BMP4: variants seen among roughly 807,000 people sequenced by gnomAD.
BMP4 encodes the protein bone morphogenetic protein 4.
In BMP4, 3 loss-of-function variants were observed where a neutral mutation model predicts 29.6. That is an observed-to-expected ratio of 0.10 (90% confidence interval 0.05 to 0.26). The LOEUF is 0.26. Among genes scored for constraint, BMP4 ranks in the 10% least tolerant of loss-of-function variants. The pLI, the probability that BMP4 is intolerant of heterozygous loss-of-function variation, is 1.00. For synonymous variants in BMP4, 197 were observed against 213.2 expected, an observed-to-expected ratio of 0.92 and a Z score of 0.66; for missense variants, 455 against 550.2, an observed-to-expected ratio of 0.83 and a Z score of 1.73.
rs377676306 is a variant in BMP4 at position 53,951,967 on chromosome 14, G to T, written c.256C>A (p.Leu86Ile). 14 of 1,612,018 alleles carry T rather than the reference G, an allele frequency of 8.7e-6. No homozygotes were observed. The highest frequency in any genetic ancestry group is 1.2e-5 in the Non-Finnish European group (14 of 1,180,030). The change falls in exon 3 of 4, where the codon CTT becomes ATT. Residue 86 changes from leucine to isoleucine, a missense_variant. By Grantham distance (5) the Leu-to-Ile change is conservative (BLOSUM62 2). Around this residue, in one of 4 missense-constraint regions of BMP4, gnomAD observed 249 missense variants for 284.6 expected, o/e 0.87. Transcript: ENST00000245451. ...TCCTCCCCAGACTGAAGCCGGTAAAGATCCCGCATGTAGTCCGGAATGACG... is the reference window on the plus strand; with the variant it reads ...TCCTCCCCAGACTGAAGCCGGTAAATATCCCGCATGTAGTCCGGAATGACG... ...SAVIPDYMRD[L>I]YRLQSGEEEE...
At position 53,956,534 on chromosome 14, in the gene BMP4, A is replaced by G. The variant is rs1594799192; in HGVS notation, c.-133+16T>C. The G allele has an allele frequency of 2.5e-6, 1 of 399,414 alleles. No individual in the cohort carries two copies. The highest frequency in any genetic ancestry group is 4.4e-6 in the Non-Finnish European group (1 of 226,462). The allele number at this position is 399,414 out of a possible 1,614,324, so 24.7% of individuals were successfully genotyped here. A position where few individuals can be genotyped will look rare whatever the true frequency, so the allele number is the denominator to read the frequency against. ...CCCCCTCTGCCTGTCTCCCCTCACCAGGTAGCCTTGCTCACCATAGGTCCC... is the reference window on the plus strand; with the variant it reads ...CCCCCTCTGCCTGTCTCCCCTCACCGGGTAGCCTTGCTCACCATAGGTCCC... On this transcript the variant is annotated intron_variant, in intron 1 of 3. Transcript: ENST00000245451.
chr14:53,956,820 T>C lies in BMP4; in HGVS notation c.-403A>G, dbSNP rs1287762883. On this transcript the variant is annotated 5_prime_UTR_variant, in exon 1 of 4. It removes an upstream start codon present in the reference 5' UTR. Coordinates refer to ENST00000245451, the MANE Select transcript of BMP4 (RefSeq NM_001202.6). ...CTCCCTCCTCCTCTGCCTTCTCGCA[T>C]CTTCCTTCCTCCTCTTTCCCTCCCT... 2.5e-6 allele frequency: 1 copy of C among 397,718 alleles called. No homozygotes were observed. The highest frequency in any genetic ancestry group is 4.4e-6 in the Non-Finnish European group (1 of 225,928). The allele number at this position is 397,718 out of a possible 1,614,324, so 24.6% of individuals were successfully genotyped here. A position where few individuals can be genotyped will look rare whatever the true frequency, so the allele number is the denominator to read the frequency against.
rs1325543498 is a variant in BMP4 at position 53,954,191 on chromosome 14, G to T, written c.-132-791C>A. On this transcript the variant is annotated intron_variant, in intron 1 of 3. Coordinates refer to ENST00000245451, the MANE Select transcript of BMP4 (RefSeq NM_001202.6). This position sits in a 1 kb window ranked among gnomAD's most constrained non-coding sequence, Gnocchi z 4.8. ...GGAGCGGCTGTTAGTCATTGCTCCG[G>T]GTCCATTACCGAGAATCCCCAAACC... Among the ~76,000 whole-genome samples, 2 of 151,984 alleles carry T rather than the reference G, an allele frequency of 1.3e-5. No homozygotes were observed. Among genetic ancestry groups the T allele is most frequent in the East Asian group, 1.9e-4 (1 of 5,142 alleles).
At position 53,952,042 on chromosome 14, in the gene BMP4, G is replaced by C; in HGVS notation, c.181C>G (p.Leu61Val). 1.2e-6 allele frequency: 2 copies of C among 1,614,190 alleles called. No homozygotes were observed. The highest frequency in any genetic ancestry group is 1.7e-6 in the Non-Finnish European group (2 of 1,180,050). The change falls in exon 3 of 4, where the codon CTT (leucine) becomes GTT (valine). Residue 61 changes from leucine to valine, a missense_variant. By Grantham distance (32) the Leu-to-Val change is conservative (BLOSUM62 1). Transcript: ENST00000245451. ...HELLRDFEATLLQMFGLRRRP... is the reference protein window; with the variant it reads ...HELLRDFEATVLQMFGLRRRP... ...CGGCGCAGCCCAAACATCTGCAGAA[G>C]TGTCGCCTCGAAGTCCCGCAGGAGC...
chr14:53,953,777 G>T (rs1895583595), intron 1 of BMP4, among the ~76,000 whole-genome samples: 1 of 151,882 alleles, frequency 6.6e-6, no homozygotes, highest in South Asian at 2.1e-4. Flanking sequence ...GATTTGGGGC[G>T]CACTGAAGGG....
rs1036554906 is a variant in BMP4, at chr14:53,949,875, AT to A, written c.*156del. 5 of 754,404 alleles carry A rather than the reference AT, an allele frequency of 6.6e-6. No individual in the cohort carries two copies. Among genetic ancestry groups the A allele is most frequent in the Non-Finnish European group, 9.9e-6 (5 of 503,298 alleles). 46.7% of individuals were successfully genotyped at this position (754,404 alleles called of 1,614,324 possible). ...ATAAGGTCAAGGTGAATGTTTAGGGATTTTTTCCTTTTTTTTTTTTTTTTTT... is the reference window on the plus strand; with the variant it reads ...ATAAGGTCAAGGTGAATGTTTAGGGATTTTTCCTTTTTTTTTTTTTTTTTT... On this transcript the variant is annotated 3_prime_UTR_variant, in exon 4 of 4. Transcript: ENST00000245451.
Position 53,951,945 on chromosome 14 carries a change from TC to T in BMP4, c.277del (p.Glu93ArgfsTer25). 1 of 1,608,836 alleles carries T rather than the reference TC, an allele frequency of 6.2e-7. No individual in the cohort carries two copies. ...GCTGTGGATCTGCTCTTCCTCCTCC[TC>T]CCCAGACTGAAGCCGGTAAAGATCC... ...MRDLYRLQSGEEEEEQIHSTG... is the reference protein window; with the variant it reads ...MRDLYRLQSGXEEEEQIHSTG... On this transcript the variant is annotated frameshift_variant, in exon 3 of 4. Transcript: ENST00000245451. LOFTEE classifies it high-confidence loss of function.
rs1895671300 is a variant in BMP4, at chr14:53,955,279, C to A, written c.-133+1271G>T. On this transcript the variant is annotated intron_variant, in intron 1 of 3. Transcript: ENST00000245451. The surrounding 1 kb of genome is among the most constrained non-coding windows in gnomAD (Gnocchi z 4.0). ...GCAAAGGGACAGTAGAAGGGGCGGG[C>A]GCCCGGGTTCCCCGGAAAACCCTCG... Among the ~76,000 whole-genome samples, 1 of 151,240 alleles carries A rather than the reference C, an allele frequency of 6.6e-6. No individual in the cohort carries two copies. The highest frequency in any genetic ancestry group is 1.5e-5 in the Non-Finnish European group (1 of 67,904).
intron 3 of BMP4, 60 bp downstream of exon 3, chr14:53,951,793 A>C: frequency 6.3e-7 from 1 of 1,580,210 alleles, no homozygotes. Context: ...CAGGGCTTTC[A>C]CTGCCCCTCT....
In BMP4 at chr14:53,952,237, G is replaced by T. The variant is rs1895476224; in HGVS notation, c.-7-8C>A. The T allele has an allele frequency of 1.9e-6, 3 of 1,613,120 alleles. No homozygotes were observed. The highest frequency in any genetic ancestry group is 1.7e-5 in the Admixed American group (1 of 59,996). The stretch of plus-strand genomic sequence containing the variant: ...CCAGGAATCATGGTGTCTCTGGGGA[G>T]GGGGAGGGGAGTGGAAGGTTAAAGA... On this transcript the variant is annotated splice_region_variant and splice_polypyrimidine_tract_variant and intron_variant, in intron 2 of 3. Transcript: ENST00000245451.
Position 53,950,662 on chromosome 14 carries a change from T to C in BMP4, c.597A>G (p.Leu199=), listed in dbSNP as rs1566579518. ...EVVPGHLITR[L]LDTRLVHHNV... is the part of the protein sequence containing the mutation. The stretch of plus-strand genomic sequence containing the variant: ...TGTGGTGGACCAGTCTCGTGTCCAG[T>C]AGTCGTGTGATGAGGTGCCCAGGCA... The change falls in exon 4 of 4, where the codon CTA becomes CTG. Residue 199 remains leucine, a synonymous_variant. Transcript: ENST00000245451. This position sits in a 1 kb window ranked among gnomAD's most constrained non-coding sequence, Gnocchi z 5.4. 9 of 1,614,256 alleles carry C rather than the reference T, an allele frequency of 5.6e-6. No individual in the cohort carries two copies. The highest frequency in any genetic ancestry group is 2.2e-5 in the East Asian group (1 of 44,884).
chr14:53,949,904 AT>A lies in BMP4; in HGVS notation c.*127del. 9 of 907,206 alleles carry A rather than the reference AT, an allele frequency of 9.9e-6. No individual in the cohort carries two copies. The highest frequency in any genetic ancestry group is 2.3e-5 in the South Asian group (1 of 43,738). 56.2% of individuals were successfully genotyped at this position (907,206 alleles called of 1,614,324 possible). A position where few individuals can be genotyped will look rare whatever the true frequency, so the allele number is the denominator to read the frequency against. On this transcript the variant is annotated 3_prime_UTR_variant, in exon 4 of 4. Coordinates refer to ENST00000245451, the MANE Select transcript of BMP4 (RefSeq NM_001202.6). ...TTTCCTTTTTTTTTTTTTTTTTTAA[AT>A]AAAAGTCCAGCTATAAGGAAGCAGT...
chr14:53,956,789 C>T lies in BMP4; in HGVS notation c.-372G>A. On this transcript the variant is annotated 5_prime_UTR_variant, in exon 1 of 4. Transcript: ENST00000245451. ...TTCCGGGCCGGGCTCCGCGCTCCTT[C>T]CCTCCCTCCCTCCTCCTCTGCCTTC... 1 of 398,218 alleles carries T rather than the reference C, an allele frequency of 2.5e-6. No homozygotes were observed. Among genetic ancestry groups the T allele is most frequent in the South Asian group, 1.3e-4 (1 of 7,446 alleles). 24.7% of individuals were successfully genotyped at this position (398,218 alleles called of 1,614,324 possible).
Position 53,950,005 on chromosome 14 carries a change from C to T in BMP4, c.*27G>A. ...TGGTGTGTGTGTGTGGTGTGTATAT[C>T]TGTCTATCCTCAAGGACTGCCTGAT... On this transcript the variant is annotated 3_prime_UTR_variant, in exon 4 of 4. Transcript: ENST00000245451. This position sits in a 1 kb window ranked among gnomAD's most constrained non-coding sequence, Gnocchi z 5.4. 6.2e-7 allele frequency: 1 copy of T among 1,610,586 alleles called. No homozygotes were observed. Among genetic ancestry groups the T allele is most frequent in the Non-Finnish European group, 8.5e-7 (1 of 1,179,218 alleles).
intron 1 of BMP4, 197 bp from the exon 2 acceptor site, chr14:53,953,597 G>A (rs1246311943): frequency 8.5e-6 from 3 of 352,258 alleles, no homozygotes; most frequent in Non-Finnish European, 1.5e-5. Flanking sequence ...CGCGCCCGCC[G>A]CCCGAGCCTC....
intron 1 of BMP4, 144 bp from the exon 2 acceptor site, chr14:53,953,544 CCCCGCCCCTCGCGGG>C (rs1394020302): frequency 4.4e-5 from 17 of 385,744 alleles, no homozygotes; most frequent in Non-Finnish European, 6.0e-5. Flanking sequence ...CTCCACAGCC[CCCCGCCCCTCGCGGG>C]CCCGCCCCTC....
intron 1 of BMP4, 144 bp from the exon 2 acceptor site, chr14:53,953,544 C>CCCCGCCCCTCGCGGG (rs1394020302): frequency 5.2e-6 from 2 of 385,744 alleles, no homozygotes; most frequent in African/African-American, 2.1e-5. Flanking sequence ...CTCCACAGCC[C>CCCCGCCCCTCGCGGG]CCCGCCCCTC....
In BMP4 at chr14:53,956,670, G is replaced by A; in HGVS notation, c.-253C>T. 2.5e-6 allele frequency: 1 copy of A among 399,120 alleles called. No homozygotes were observed. The allele number at this position is 399,120 out of a possible 1,614,324, so 24.7% of individuals were successfully genotyped here. A position where few individuals can be genotyped will look rare whatever the true frequency, so the allele number is the denominator to read the frequency against. ...TGCAGGCTCGAGATAGCTTGGACGGGAATCCCATCGGGGAGACAAGCTAGA... is the reference window on the plus strand; with the variant it reads ...TGCAGGCTCGAGATAGCTTGGACGGAAATCCCATCGGGGAGACAAGCTAGA... On this transcript the variant is annotated 5_prime_UTR_variant, in exon 1 of 4. Coordinates refer to ENST00000245451, the MANE Select transcript of BMP4 (RefSeq NM_001202.6).
At chr14:53,956,413 C>A in intron 1 of BMP4, 137 bp downstream of exon 1, 1 of 397,990 alleles carries the variant, frequency 2.5e-6, no homozygotes, top group East Asian at 3.6e-5. Context: ...GCGCCAGCAT[C>A]CCCACCTCCA....
Sources: allele counts gnomAD v4.1 joint callset (sites outside exome capture counted in the v4.1 genomes callset), GRCh38; gene constraint gnomAD v4.1.1; regional missense constraint gnomAD v4.1.1; non-coding constraint Gnocchi (gnomAD v3.1); transcripts MANE v1.5; gene names NCBI Gene and HGNC (gene_info 2026-07-23, HGNC 2026-07-21).